POF1B: variants seen among roughly 807,000 people sequenced by gnomAD.
POF1B encodes protein POF1B.
In POF1B, 53 loss-of-function variants were observed where a neutral mutation model predicts 55.3. The ratio of observed to expected loss-of-function variants is 0.96; its 90% CI spans 0.77 to 1.20. The LOEUF (loss-of-function observed/expected upper bound fraction) is 1.20. Among genes scored for constraint, POF1B ranks in the 50% most tolerant of loss-of-function variants. The probability of loss-of-function intolerance (pLI) is 0.00; values close to 1 mark genes in which losing one functional copy is unlikely to be tolerated. For missense variants in POF1B, 478 were observed against 420.5 expected (o/e 1.14, Z -1.20); for synonymous variants, 188 against 148.3 (o/e 1.27, Z -1.95).
chrX:85,372,614 A>G (rs2147953181), intron 2 of POF1B, among the ~76,000 whole-genome samples: 1 of 106,964 alleles, frequency 9.3e-6, no homozygotes, highest in Admixed American at 1.0e-4. Context: ...TAGGAGAAAT[A>G]CCTAATGTAG....
chrX:85,285,114 C>A (rs2147890031), intron 15 of POF1B, among the ~76,000 whole-genome samples: 1 of 111,001 alleles, frequency 9.0e-6, no homozygotes, highest in African/African-American at 3.3e-5. Flanking sequence ...TGATCTCAGG[C>A]CACTTAGAAT....
intron 9 of POF1B, among the ~76,000 whole-genome samples, chrX:85,313,944 G>A (rs61050881): frequency 0.22 from 23,792 of 109,916 alleles, 2,471 homozygotes; most frequent in African/African-American, 0.4. Context: ...GTTTCTAGGA[G>A]TTTTTCCATT....
chrX:85,304,468 GGGACTAA>G lies in POF1B; in HGVS notation c.1438-4_1440del. On this transcript the variant is annotated splice_acceptor_variant and splice_polypyrimidine_tract_variant and coding_sequence_variant and intron_variant, in exon 14 of 17. Transcript: ENST00000262753. LOFTEE classifies it high-confidence loss of function. Reference sequence around the variant, plus strand: ...ACATCTTTATGGTACTGGTTTAATTGGGACTAAGGATTTAAAAAGAAATAAATATTAT... The same window carrying G: ...ACATCTTTATGGTACTGGTTTAATTGGGATTTAAAAAGAAATAAATATTAT... 9.2e-7 allele frequency: 1 copy of G among 1,089,478 alleles called. No individual in the cohort carries two copies. Among genetic ancestry groups the G allele is most frequent in the Non-Finnish European group, 1.2e-6 (1 of 822,695 alleles). The allele number at this position is 1,089,478 out of a possible 1,213,427, so 89.8% of individuals were successfully genotyped here.
At chrX:85,349,994 G>T (rs1287411078) in intron 5 of POF1B, among the ~76,000 whole-genome samples, 1 of 110,469 alleles carries the variant, frequency 9.1e-6, no homozygotes, top group East Asian at 2.9e-4. Context: ...AGGACTTGCG[G>T]CTCTAGATGC....
chrX:85,329,913 C>T (rs1460372100), intron 7 of POF1B, among the ~76,000 whole-genome samples: 1 of 108,835 alleles, frequency 9.2e-6, no homozygotes, highest in South Asian at 3.8e-4. Flanking sequence ...AGTGAGAAAA[C>T]GTACAAAATA....
At chrX:85,375,791 A>G (rs756512671) in intron 2 of POF1B, among the ~76,000 whole-genome samples, 1 of 112,135 alleles carries the variant, frequency 8.9e-6, no homozygotes, top group Non-Finnish European at 1.9e-5. Flanking sequence ...ATAATTGTTG[A>G]GAACAGAGGT....
chrX:85,283,172 A>G (rs1931947503), intron 15 of POF1B, among the ~76,000 whole-genome samples: 1 of 111,705 alleles, frequency 9.0e-6, no homozygotes, highest in African/African-American at 3.2e-5. Context: ...AAAACTCAAC[A>G]ATATAAAATC....
At chrX:85,371,808 C>G (rs1358283465) in intron 2 of POF1B, among the ~76,000 whole-genome samples, 1 of 111,396 alleles carries the variant, frequency 9.0e-6, no homozygotes, top group Non-Finnish European at 1.9e-5. Context: ...TTTCCATAAA[C>G]TCAATAGAAT....
intron 6 of POF1B, among the ~76,000 whole-genome samples, chrX:85,334,655 C>A (rs1933035615): frequency 9.0e-6 from 1 of 110,887 alleles, no homozygotes; most frequent in Non-Finnish European, 1.9e-5. Flanking sequence ...AAATTAGTGT[C>A]CATTTTCTGG....
chrX:85,360,088 A>G (rs1933576518), intron 3 of POF1B, among the ~76,000 whole-genome samples: 1 of 110,550 alleles, frequency 9.0e-6, no homozygotes, highest in African/African-American at 3.3e-5. Flanking sequence ...TCACTGTAAA[A>G]TGTTGATGGG....
chrX:85,344,796 T>A (rs1303447443), intron 6 of POF1B, among the ~76,000 whole-genome samples: 1 of 111,151 alleles, frequency 9.0e-6, no homozygotes. Flanking sequence ...TTTAAAAAAA[T>A]GTAGAGATAA....
chrX:85,286,596 G>A (rs1446483906), intron 15 of POF1B, among the ~76,000 whole-genome samples: 1 of 111,050 alleles, frequency 9.0e-6, no homozygotes, highest in East Asian at 2.8e-4. Context: ...TAGAGTAAAA[G>A]GATGGAAACA....
Position 85,278,602 on chromosome X carries a change from A to G in POF1B, c.*819T>C, listed in dbSNP as rs1341307309. 9.0e-6 allele frequency: 1 copy of G among 111,266 alleles called. No individual in the cohort carries two copies. Among genetic ancestry groups the G allele is most frequent in the East Asian group, 2.8e-4 (1 of 3,528 alleles). 9.2% of individuals were successfully genotyped at this position (111,266 alleles called of 1,213,427 possible). The stretch of plus-strand genomic sequence containing the variant: ...ATTCCCTAAGTCTTTATATCTATGT[A>G]ATATTTCAATGATATGTTTGCATAC... On this transcript the variant is annotated 3_prime_UTR_variant, in exon 17 of 17. Transcript: ENST00000262753.
intron 6 of POF1B, among the ~76,000 whole-genome samples, chrX:85,338,815 G>T (rs1307314336): frequency 9.0e-6 from 1 of 111,303 alleles, no homozygotes; most frequent in Non-Finnish European, 1.9e-5. Flanking sequence ...ATTAAGACTA[G>T]TAAATAAAGC....
At position 85,306,243 on chromosome X, in the gene POF1B, G is replaced by T; in HGVS notation, c.1255C>A (p.Leu419Ile). ...RHTLSDMEYR[L>I]KELEYCKRNL... ...CGTTTACAATATTCCAGTTCTTTTA[G>T]TCTGTATTCCATGTCTGATAGTGTA... Residue 419 changes from leucine (L) to isoleucine (I), a missense_variant, in exon 12 of 17, where the codon CTA becomes ATA. Coordinates refer to ENST00000262753, the MANE Select transcript of POF1B (RefSeq NM_024921.4). The T allele has an allele frequency of 8.3e-7, 1 of 1,203,406 alleles. No individual in the cohort carries two copies. The highest frequency in any genetic ancestry group is 1.1e-6 in the Non-Finnish European group (1 of 888,700).
chrX:85,302,803 T>G (rs187819156), intron 15 of POF1B, among the ~76,000 whole-genome samples: 1 of 112,117 alleles, frequency 8.9e-6, no homozygotes, highest in African/African-American at 3.2e-5. Flanking sequence ...TTATGCAAAA[T>G]GAAAAATCCA....
intron 4 of POF1B, among the ~76,000 whole-genome samples, chrX:85,356,754 A>G (rs966314526): frequency 5.4e-5 from 6 of 111,420 alleles, no homozygotes; most frequent in Middle Eastern, 9.3e-3. Context: ...GTCCATTTGA[A>G]TTGGTGCCAG....
chrX:85,337,863 C>A (rs1240212451), intron 6 of POF1B, among the ~76,000 whole-genome samples: 3 of 111,460 alleles, frequency 2.7e-5, no homozygotes, highest in Non-Finnish European at 5.7e-5. Context: ...CAATTTAGTA[C>A]TTATTTTATA....
chrX:85,304,929 G>A (rs941201822), intron 13 of POF1B, among the ~76,000 whole-genome samples: 2 of 111,356 alleles, frequency 1.8e-5, no homozygotes, highest in African/African-American at 3.3e-5. Context: ...ATGGGCTCCA[G>A]AGAGGTTAAA....
Sources: allele counts gnomAD v4.1 joint callset (sites outside exome capture counted in the v4.1 genomes callset), GRCh38; gene constraint gnomAD v4.1.1; transcripts MANE v1.5; gene names NCBI Gene and HGNC (gene_info 2026-07-23, HGNC 2026-07-21).